Variants in ACTR10 observed in about 807,000 individuals in gnomAD.
The protein encoded by ACTR10 is actin-related protein 10.
In ACTR10, 43 loss-of-function variants were observed where a neutral mutation model predicts 56.2. The observed-to-expected ratio is 0.77, with a 90% CI of 0.60 to 0.99. The LOEUF (loss-of-function observed/expected upper bound fraction) is 0.99, where lower values mean the gene tolerates loss of function less well. Ranked by LOEUF, ACTR10 falls within the 50% of genes least tolerant of loss-of-function variation. The probability of loss-of-function intolerance (pLI) is 0.00; values close to 1 mark genes in which losing one functional copy is unlikely to be tolerated. For missense variants in ACTR10, 466 were observed against 507.8 expected (o/e 0.92, Z 0.79); for synonymous variants, 170 against 176.3 (o/e 0.96, Z 0.28).
At chr14:58,232,776 C>T (rs556696871) in intron 12 of ACTR10, among the ~76,000 whole-genome samples, 9 of 151,812 alleles carry the variant, frequency 5.9e-5, no homozygotes, top group South Asian at 4.2e-4. Context: ...GCATTTGCAC[C>T]GTGATATTAA....
chr14:58,200,162 C>G lies in ACTR10; in HGVS notation c.-56C>G, dbSNP rs569889056. 4 of 1,358,062 alleles carry G rather than the reference C, an allele frequency of 2.9e-6. No individual in the cohort carries two copies. Among genetic ancestry groups the G allele is most frequent in the Middle Eastern group, 2.2e-4 (1 of 4,564 alleles). The allele number at this position is 1,358,062 out of a possible 1,614,324, so 84.1% of individuals were successfully genotyped here. A position where few individuals can be genotyped will look rare whatever the true frequency, so the allele number is the denominator to read the frequency against. The stretch of plus-strand genomic sequence containing the variant: ...AGCCCCGGCCCCGCCCCGCGAGCGC[C>G]GAGACTTGTTGGCCGCGGAGACTGC... On this transcript the variant is annotated 5_prime_UTR_variant, in exon 1 of 13. Coordinates refer to ENST00000254286, the MANE Select transcript of ACTR10 (RefSeq NM_018477.3).
At position 58,235,509 on chromosome 14, in the gene ACTR10, C is replaced by A. The variant is rs1889655817; in HGVS notation, c.*958C>A. On this transcript the variant is annotated 3_prime_UTR_variant, in exon 13 of 13. Transcript: ENST00000254286. ...CAACTGCTTTATAAAAATGTATTCA[C>A]AATGTCATTAATCTTTGCGTTTGTG... 6.6e-6 allele frequency: 1 copy of A among 152,156 alleles called. No homozygotes were observed. The highest frequency in any genetic ancestry group is 1.5e-5 in the Non-Finnish European group (1 of 68,026). 9.4% of individuals were successfully genotyped at this position (152,156 alleles called of 1,614,324 possible). A position where few individuals can be genotyped will look rare whatever the true frequency, so the allele number is the denominator to read the frequency against.
At chr14:58,226,925 A>G (rs535902776) in intron 10 of ACTR10, among the ~76,000 whole-genome samples, 2 of 152,294 alleles carry the variant, frequency 1.3e-5, no homozygotes, top group Non-Finnish European at 2.9e-5. Context: ...ACCAAAAGGT[A>G]TAGTTCCATT....
chr14:58,234,107 T>C (rs1889610027), intron 12 of ACTR10, among the ~76,000 whole-genome samples: 1 of 152,226 alleles, frequency 6.6e-6, no homozygotes, highest in East Asian at 1.9e-4. Context: ...CACTTGCTTT[T>C]AAATGCAATA....
In ACTR10 at chr14:58,216,934, T is replaced by C. The variant is rs111626807; in HGVS notation, c.598+1650T>C. Among the ~76,000 whole-genome samples, 471 of 152,334 alleles carry C rather than the reference T, an allele frequency of 3.1e-3. 1 individual carries two copies. Among genetic ancestry groups the C allele is most frequent in the Non-Finnish European group, 5.1e-3 (344 of 68,018 alleles). On this transcript the variant is annotated intron_variant, in intron 7 of 12. Transcript: ENST00000254286. ...TTTCAATCTGCAGCACCTAGTATAG[T>C]GCTAGGGCATTGAATATATGTTGGA...
chr14:58,208,237 G>A (rs1256741309), intron 3 of ACTR10, among the ~76,000 whole-genome samples: 3 of 152,110 alleles, frequency 2.0e-5, no homozygotes, highest in Non-Finnish European at 4.4e-5. Context: ...TTAATGAAGT[G>A]AACTGATAAT....
intron 5 of ACTR10, among the ~76,000 whole-genome samples, chr14:58,211,705 T>C (rs2140048421): frequency 6.6e-6 from 1 of 152,232 alleles, no homozygotes; most frequent in East Asian, 1.9e-4. Context: ...AAAAAAATCA[T>C]ACAAAGAGTA....
At chr14:58,224,852 G>A (rs1418260570) in intron 10 of ACTR10, among the ~76,000 whole-genome samples, 1 of 151,998 alleles carries the variant, frequency 6.6e-6, no homozygotes, top group African/African-American at 2.4e-5. Context: ...AGCCAGCTGT[G>A]GTAGCACATG....
At chr14:58,202,523 G>T (rs2140040054) in intron 1 of ACTR10, among the ~76,000 whole-genome samples, 1 of 151,870 alleles carries the variant, frequency 6.6e-6, no homozygotes, top group Admixed American at 6.6e-5. Flanking sequence ...GGCGGAGCTT[G>T]CAGTGAGCCG....
chr14:58,215,945 C>G (rs1889123289), intron 7 of ACTR10, among the ~76,000 whole-genome samples: 1 of 150,946 alleles, frequency 6.6e-6, no homozygotes, highest in Admixed American at 6.6e-5. Flanking sequence ...CTTCAGAAAT[C>G]TCTTTCAGAT....
intron 7 of ACTR10, 200 bp from the exon 8 acceptor site, chr14:58,219,494 C>T: frequency 2.6e-6 from 1 of 392,134 alleles, no homozygotes; most frequent in Non-Finnish European, 4.6e-6. Context: ...GCTTCAATTT[C>T]CATGGTTTGT....
intron 10 of ACTR10, among the ~76,000 whole-genome samples, chr14:58,229,450 G>A (rs543651806): frequency 1.3e-5 from 2 of 152,038 alleles, no homozygotes; most frequent in East Asian, 1.9e-4. Context: ...AGGCCGAGGT[G>A]GGCGGATCAC....
At chr14:58,224,402 C>G (rs1033208371) in intron 10 of ACTR10, among the ~76,000 whole-genome samples, 7 of 152,026 alleles carry the variant, frequency 4.6e-5, no homozygotes, top group African/African-American at 1.7e-4. Context: ...TAGCCACCAC[C>G]ATGACTGGCT....
intron 10 of ACTR10, among the ~76,000 whole-genome samples, chr14:58,228,512 C>G (rs1476251123): frequency 6.6e-6 from 1 of 151,746 alleles, no homozygotes; most frequent in Admixed American, 6.6e-5. Context: ...ATCACACCTA[C>G]TTGGGAGGCT....
intron 8 of ACTR10, among the ~76,000 whole-genome samples, chr14:58,221,280 TAAAAAAAAA>T (rs35943337): frequency 9.2e-6 from 1 of 108,292 alleles, no homozygotes; most frequent in African/African-American, 3.5e-5. Context: ...AGACTCTGTC[TAAAAAAAAA>T]AAAAAAAAAA....
At position 58,230,467 on chromosome 14, in the gene ACTR10, A is replaced by C; in HGVS notation, c.857A>C (p.Asp286Ala). 1 of 1,585,676 alleles carries C rather than the reference A, an allele frequency of 6.3e-7. No homozygotes were observed. The highest frequency in any genetic ancestry group is 8.6e-7 in the Non-Finnish European group (1 of 1,165,022). The change falls in exon 11 of 13, where the codon GAT (aspartate) becomes GCT (alanine). Residue 286 changes from aspartate to alanine, a missense_variant. Asp to Ala is a moderately radical substitution (Grantham distance 126, BLOSUM62 -2). Transcript: ENST00000254286. ...EEQSVATLIL[D>A]SLIQCPIDTR... ...CAATCAGTTGCCACTTTAATATTGG[A>C]TTCCCTTATACAGGTATTTTATCTT...
intron 4 of ACTR10, among the ~76,000 whole-genome samples, chr14:58,210,850 T>C (rs1212939921): frequency 6.6e-6 from 1 of 152,052 alleles, no homozygotes; most frequent in African/African-American, 2.4e-5. Flanking sequence ...AATTTTTGTA[T>C]TTTTAGTAGA....
chr14:58,223,158 T>C (rs1566628571), intron 8 of ACTR10, among the ~76,000 whole-genome samples: 1 of 152,090 alleles, frequency 6.6e-6, no homozygotes, highest in Non-Finnish European at 1.5e-5. Context: ...TTCTTTGAGA[T>C]GGAGTTTCAC....
chr14:58,222,753 A>G (rs566114357), intron 8 of ACTR10, among the ~76,000 whole-genome samples: 28 of 105,296 alleles, frequency 2.7e-4, no homozygotes, highest in African/African-American at 8.8e-4. Context: ...CAATAGAGTG[A>G]GACTCTGTCA....
Sources: allele counts gnomAD v4.1 joint callset (sites outside exome capture counted in the v4.1 genomes callset), GRCh38; gene constraint gnomAD v4.1.1; transcripts MANE v1.5; gene names NCBI Gene and HGNC (gene_info 2026-07-23, HGNC 2026-07-21).